The following STEAP1B variants were observed in gnomAD, a reference collection of about 807,000 sequenced individuals.
STEAP1B encodes STEAP family protein MGC87042.
STEAP1B carries 13 observed loss-of-function variants against 27.9 expected under a neutral mutation model. The ratio of observed to expected loss-of-function variants is 0.47; its 90% CI spans 0.30 to 0.74. The LOEUF (loss-of-function observed/expected upper bound fraction) is 0.74. STEAP1B is among the 30% of genes least tolerant of loss of function. The pLI, the probability that STEAP1B is intolerant of heterozygous loss-of-function variation, is 0.06. For missense variants in STEAP1B, 250 were observed against 298.7 expected (o/e 0.84, Z 1.20); for synonymous variants, 86 against 107.1 (o/e 0.80, Z 1.22).
chr7:22,473,283 C>T (rs1280700594), intron 4 of STEAP1B, among the ~76,000 whole-genome samples: 4 of 152,152 alleles, frequency 2.6e-5, no homozygotes, highest in South Asian at 2.1e-4. Flanking sequence ...TCAAGGATTA[C>T]ATCCTCTAGC....
chr7:22,484,187 T>C (rs979583417), intron 4 of STEAP1B, among the ~76,000 whole-genome samples: 4 of 152,180 alleles, frequency 2.6e-5, no homozygotes, highest in Non-Finnish European at 5.9e-5. Flanking sequence ...TAAGCAGAAT[T>C]TCAATGTAGA....
At chr7:22,483,837 T>C (rs939450722) in intron 4 of STEAP1B, among the ~76,000 whole-genome samples, 1 of 152,198 alleles carries the variant, frequency 6.6e-6, no homozygotes, top group African/African-American at 2.4e-5. Flanking sequence ...CAAACATTTA[T>C]TAAGTTCACT....
At chr7:22,482,086 C>A (rs941712801) in intron 4 of STEAP1B, among the ~76,000 whole-genome samples, 5 of 152,192 alleles carry the variant, frequency 3.3e-5, no homozygotes, top group African/African-American at 4.8e-5. Context: ...TCCTCAGATT[C>A]CCAGAGTCCT....
intron 4 of STEAP1B, among the ~76,000 whole-genome samples, chr7:22,458,878 C>CTT (rs76609977): frequency 2.8e-5 from 4 of 144,726 alleles, no homozygotes; most frequent in Admixed American, 6.9e-5. Flanking sequence ...GGTACGCTAA[C>CTT]TTTTTTTTTT....
chr7:22,456,966 ATATATATTTTT>A (rs1157858060), intron 4 of STEAP1B, among the ~76,000 whole-genome samples: 2 of 36,814 alleles, frequency 5.4e-5, no homozygotes, highest in East Asian at 9.6e-4. Context: ...ATATATATAT[ATATATATTTTT>A]TTTTTTTTTA....
intron 4 of STEAP1B, among the ~76,000 whole-genome samples, chr7:22,460,784 C>G (rs1785665259): frequency 6.6e-6 from 1 of 152,212 alleles, no homozygotes; most frequent in Non-Finnish European, 1.5e-5. Flanking sequence ...CAGCAGCAGA[C>G]TTCCTCCTGC....
chr7:22,491,315 G>T (rs1173920925), intron 4 of STEAP1B, among the ~76,000 whole-genome samples: 1 of 152,140 alleles, frequency 6.6e-6, no homozygotes, highest in Non-Finnish European at 1.5e-5. Context: ...GTCTCTCACA[G>T]GATGAAAAGA....
At chr7:22,473,697 A>G (rs1785925327) in intron 4 of STEAP1B, among the ~76,000 whole-genome samples, 2 of 152,146 alleles carry the variant, frequency 1.3e-5, no homozygotes, top group African/African-American at 4.8e-5. Flanking sequence ...TTAAGATGGT[A>G]TATTTTTGCT....
chr7:22,460,351 A>AAG (rs71026889), intron 4 of STEAP1B, among the ~76,000 whole-genome samples: 1 of 149,650 alleles, frequency 6.7e-6, no homozygotes, highest in South Asian at 2.1e-4. Context: ...AAAAAAAAAA[A>AAG]GGAGAGAAGG....
intron 4 of STEAP1B, among the ~76,000 whole-genome samples, chr7:22,420,601 A>G (rs1028856339): frequency 6.6e-6 from 1 of 152,158 alleles, no homozygotes; most frequent in African/African-American, 2.4e-5. Flanking sequence ...CCGGCATATC[A>G]TGGCTTCTGC....
chr7:22,438,763 A>G, intron 4 of STEAP1B: 1 of 1,543,552 alleles, frequency 6.5e-7, no homozygotes, highest in Non-Finnish European at 8.7e-7. Flanking sequence ...AGCCTAGAAA[A>G]TGAAAAGAAA....
chr7:22,487,823 G>GAAAAA (rs1786240946), intron 4 of STEAP1B, among the ~76,000 whole-genome samples: 5 of 122,288 alleles, frequency 4.1e-5, no homozygotes, highest in Admixed American at 8.2e-5. Context: ...AAAAAAAAAA[G>GAAAAA]AAAAAAGAAA....
chr7:22,493,873 C>A lies in STEAP1B; in HGVS notation c.85-37G>T, dbSNP rs547344510. 37 of 1,541,070 alleles carry A rather than the reference C, an allele frequency of 2.4e-5. No individual in the cohort carries two copies. In the African/African-American group the frequency reaches 4.9e-4, roughly 20 times the overall value. Reference sequence around the variant, plus strand: ...AGAAAATTAACATCTTAAAATTGAACAAAACAATGGGATATCTCTTGAACT... The same window carrying A: ...AGAAAATTAACATCTTAAAATTGAAAAAAACAATGGGATATCTCTTGAACT... On this transcript the variant is annotated intron_variant, in intron 2 of 4. Coordinates refer to ENST00000678116, the MANE Select transcript of STEAP1B (RefSeq NM_001382447.1).
Position 22,494,891 on chromosome 7 carries a change from A to C in STEAP1B, c.-31-5T>G. On this transcript the variant is annotated splice_polypyrimidine_tract_variant and splice_region_variant and intron_variant, in intron 1 of 4. Coordinates refer to ENST00000678116, the MANE Select transcript of STEAP1B (RefSeq NM_001382447.1). ...AAATAGTATGGCTTCAGCCACCTGT[A>C]AAAATAAAAATAATTACTTTCATGT... The C allele has an allele frequency of 1.5e-6, 2 of 1,301,104 alleles. No individual in the cohort carries two copies. The highest frequency in any genetic ancestry group is 2.1e-6 in the Non-Finnish European group (2 of 938,400). 80.6% of individuals were successfully genotyped at this position (1,301,104 alleles called of 1,614,324 possible).
chr7:22,446,792 A>C (rs1785415897), intron 4 of STEAP1B, among the ~76,000 whole-genome samples: 1 of 152,194 alleles, frequency 6.6e-6, no homozygotes, highest in South Asian at 2.1e-4. Context: ...CCTGAACCTC[A>C]GTATTTTCAT....
At chr7:22,427,526 C>G (rs773671680) in intron 4 of STEAP1B, among the ~76,000 whole-genome samples, 1 of 152,046 alleles carries the variant, frequency 6.6e-6, no homozygotes, top group Non-Finnish European at 1.5e-5. Context: ...CTAGTTTAGG[C>G]GTGGACATAT....
chr7:22,419,950 T>C (rs1312400401), intron 4 of STEAP1B, 114 bp from the exon 5 acceptor site: 1 of 1,270,426 alleles, frequency 7.9e-7, no homozygotes, highest in Non-Finnish European at 1.1e-6. Flanking sequence ...TACACGCTTT[T>C]CTAAAGTCAC....
rs534746510 is a variant in STEAP1B at position 22,455,964 on chromosome 7, G to A, written c.763-36128C>T. Among the ~76,000 whole-genome samples, 12 of 152,198 alleles carry A rather than the reference G, an allele frequency of 7.9e-5. No individual in the cohort carries two copies. In the East Asian group the frequency reaches 1.5e-3, roughly 20 times the overall value. On this transcript the variant is annotated intron_variant, in intron 4 of 4. Transcript: ENST00000678116. ...AGATCAAGACCATCCTGGCTAACACGGTGAAACCCCATCTCTACTAAAAAT... is the reference window on the plus strand; with the variant it reads ...AGATCAAGACCATCCTGGCTAACACAGTGAAACCCCATCTCTACTAAAAAT...
intron 4 of STEAP1B, among the ~76,000 whole-genome samples, chr7:22,436,129 T>G (rs1785251321): frequency 6.6e-6 from 1 of 152,106 alleles, no homozygotes; most frequent in Admixed American, 6.5e-5. Context: ...AGCCGTAGGG[T>G]TTTTTGGTGA....
Sources: allele counts gnomAD v4.1 joint callset (sites outside exome capture counted in the v4.1 genomes callset), GRCh38; gene constraint gnomAD v4.1.1; transcripts MANE v1.5; gene names NCBI Gene and HGNC (gene_info 2026-07-23, HGNC 2026-07-21).